Variants in P3H2 observed in about 807,000 individuals in gnomAD.
The protein encoded by P3H2 is prolyl 3-hydroxylase 2, also known as leprecan-like 1.
In P3H2, 80 loss-of-function variants were observed where a neutral mutation model predicts 87.0. The ratio of observed to expected loss-of-function variants is 0.92; its 90% CI spans 0.77 to 1.11. The LOEUF (loss-of-function observed/expected upper bound fraction) is 1.11. Ranked by LOEUF, P3H2 falls within the 50% of genes least tolerant of loss-of-function variation. The probability of loss-of-function intolerance (pLI) is 0.00; values close to 1 mark genes in which losing one functional copy is unlikely to be tolerated. For missense variants in P3H2, 1,001 were observed against 923.9 expected (o/e 1.08, Z -1.08); for synonymous variants, 367 against 359.3 (o/e 1.02, Z -0.24).
chr3:190,106,359 G>A (rs1711837428), intron 1 of P3H2, among the ~76,000 whole-genome samples: 2 of 152,074 alleles, frequency 1.3e-5, no homozygotes, highest in Non-Finnish European at 2.9e-5. Flanking sequence ...AGTGTTGAAC[G>A]TGAAGCCAGT....
intron 3 of P3H2, among the ~76,000 whole-genome samples, chr3:189,993,822 T>TA (rs1560352927): frequency 6.6e-5 from 10 of 151,890 alleles, no homozygotes; most frequent in African/African-American, 2.4e-4. Context: ...TTGAAAAACA[T>TA]TATATATAGT....
intron 1 of P3H2, among the ~76,000 whole-genome samples, chr3:190,053,454 T>G (rs56236945): frequency 0.35 from 52,004 of 147,202 alleles, 9,497 homozygotes; most frequent in African/African-American, 0.46. Flanking sequence ...AAAGTGGTTT[T>G]TTTTTTTTTT....
At chr3:190,057,769 T>G (rs111762837) in intron 1 of P3H2, among the ~76,000 whole-genome samples, 1 of 152,152 alleles carries the variant, frequency 6.6e-6, no homozygotes, top group African/African-American at 2.4e-5. Context: ...CTAAGAGCAT[T>G]TTTCCATCGA....
Position 190,120,431 on chromosome 3 carries a change from C to T in P3H2, c.301G>A (p.Glu101Lys). Residue 101 changes from glutamate to lysine, a missense_variant, in exon 1 of 15, where the codon GAG becomes AAG. By Grantham distance (56) the Glu-to-Lys change is moderately conservative (BLOSUM62 1). Transcript: ENST00000319332. ...AGGGGCAGCTCAGCGCCGGGGCCCT[C>T]GCCGGGGGGCGGGGGCGGGAGCGGG... Reference protein sequence around the residue: ...RHPLPPPPPGEGPGAELPLFR... With the variant: ...RHPLPPPPPGKGPGAELPLFR... 10 of 1,452,104 alleles carry T rather than the reference C, an allele frequency of 6.9e-6. No individual in the cohort carries two copies. Among genetic ancestry groups the T allele is most frequent in the Non-Finnish European group, 9.0e-6 (10 of 1,110,396 alleles). 90.0% of individuals were successfully genotyped at this position (1,452,104 alleles called of 1,614,324 possible).
At chr3:189,998,415 C>T (rs1324647740) in intron 1 of P3H2, among the ~76,000 whole-genome samples, 1 of 152,176 alleles carries the variant, frequency 6.6e-6, no homozygotes, top group Admixed American at 6.5e-5. Context: ...TCTTTTCTTA[C>T]TGAAATATGT....
intron 1 of P3H2, among the ~76,000 whole-genome samples, chr3:190,030,285 G>T (rs929978339): frequency 6.6e-6 from 1 of 152,140 alleles, no homozygotes; most frequent in Non-Finnish European, 1.5e-5. Flanking sequence ...AAAACAATGA[G>T]ATTTTGGCTG....
At chr3:190,040,847 T>C (rs1462121139) in intron 1 of P3H2, among the ~76,000 whole-genome samples, 2 of 151,130 alleles carry the variant, frequency 1.3e-5, no homozygotes, top group Non-Finnish European at 2.9e-5. Flanking sequence ...CTAGTACACA[T>C]AGTACCAGTT....
At chr3:190,113,872 TC>T (rs1410784842) in intron 1 of P3H2, among the ~76,000 whole-genome samples, 1 of 151,942 alleles carries the variant, frequency 6.6e-6, no homozygotes, top group African/African-American at 2.4e-5. Context: ...GGTCGGGAGT[TC>T]GAGACCATCC....
intron 1 of P3H2, among the ~76,000 whole-genome samples, chr3:190,083,843 G>A (rs1281018930): frequency 6.6e-6 from 1 of 152,184 alleles, no homozygotes; most frequent in Non-Finnish European, 1.5e-5. Context: ...GGCTGTAGTT[G>A]TGTCTGACAG....
In P3H2 at chr3:190,114,986, T is replaced by C. The variant is rs1024505197; in HGVS notation, c.480+5266A>G. Among the ~76,000 whole-genome samples the C allele has an allele frequency of 2.0e-5, 3 of 152,188 alleles. No homozygotes were observed. The South Asian group carries it at 6.2e-4, about 32-fold the overall frequency. ...CAATTTCATTTTAAGGCATGCATTA[T>C]AGAAAGAGATAGCAGTTGATAAAAC... On this transcript the variant is annotated intron_variant, in intron 1 of 14. Coordinates refer to ENST00000319332, the MANE Select transcript of P3H2 (RefSeq NM_018192.4).
At position 189,956,903 on chromosome 3, in the gene P3H2, T is replaced by C. The variant is rs1005733808; in HGVS notation, c.*1009A>G. On this transcript the variant is annotated 3_prime_UTR_variant, in exon 15 of 15. Transcript: ENST00000319332. ...TCTTTTCATCAGTGGACCCCACTCC[T>C]AGGCAACCTGGCCATGGTGCCCGGA... 1 of 392,262 alleles carries C rather than the reference T, an allele frequency of 2.5e-6. No homozygotes were observed. The highest frequency in any genetic ancestry group is 4.5e-6 in the Non-Finnish European group (1 of 222,742). 24.3% of individuals were successfully genotyped at this position (392,262 alleles called of 1,614,324 possible).
chr3:190,078,650 G>A (rs1410654079), intron 1 of P3H2, among the ~76,000 whole-genome samples: 1 of 152,068 alleles, frequency 6.6e-6, no homozygotes, highest in African/African-American at 2.4e-5. Context: ...TTCACAAACT[G>A]GAAAAGGACA....
chr3:190,083,627 T>C (rs1006796496), intron 1 of P3H2, among the ~76,000 whole-genome samples: 2 of 152,220 alleles, frequency 1.3e-5, no homozygotes, highest in Non-Finnish European at 2.9e-5. Flanking sequence ...AAGGCAGCTC[T>C]AAATAAAAGT....
At chr3:189,982,872 A>C (rs1284770952) in intron 8 of P3H2, among the ~76,000 whole-genome samples, 174 bp downstream of exon 8, 2 of 152,038 alleles carry the variant, frequency 1.3e-5, no homozygotes, top group Non-Finnish European at 2.9e-5. Context: ...ATAATACACA[A>C]ATCTAAGACT....
chr3:190,119,510 A>G (rs1415373298), intron 1 of P3H2, among the ~76,000 whole-genome samples: 1 of 152,198 alleles, frequency 6.6e-6, no homozygotes, highest in Non-Finnish European at 1.5e-5. Flanking sequence ...TCCTGACGCT[A>G]ACTTTAGGCA....
At chr3:190,089,218 G>A (rs554195242) in intron 1 of P3H2, among the ~76,000 whole-genome samples, 24 of 152,110 alleles carry the variant, frequency 1.6e-4, no homozygotes, top group Non-Finnish European at 3.1e-4. Context: ...GGGGCCTGTC[G>A]TGGGGCGGGG....
intron 1 of P3H2, among the ~76,000 whole-genome samples, chr3:190,114,427 A>T (rs58113906): frequency 6.6e-6 from 1 of 151,580 alleles, no homozygotes; most frequent in Admixed American, 6.6e-5. Context: ...ACCTCGTGAT[A>T]CGCCCACCTC....
chr3:189,980,517 C>T (rs957786334), intron 8 of P3H2, among the ~76,000 whole-genome samples: 1 of 151,652 alleles, frequency 6.6e-6, no homozygotes, highest in African/African-American at 2.4e-5. Flanking sequence ...GAGCTGAGAT[C>T]ACGCCACTGC....
chr3:189,957,700 A>AAGAGAGAGAGAGAGAGAG lies in P3H2; in HGVS notation c.*194_*211dup, dbSNP rs3062112. On this transcript the variant is annotated 3_prime_UTR_variant, in exon 15 of 15. Transcript: ENST00000319332. Reference sequence around the variant, plus strand: ...AACATGGTTAGACCATGTCTCTAAGAAGAGAGAGAGAGAGAGAGAGAGAGA... The same window carrying AAGAGAGAGAGAGAGAGAG: ...AACATGGTTAGACCATGTCTCTAAGAAGAGAGAGAGAGAGAGAGAGAGAGAGAGAGAGAGAGAGAGAGA... 11 of 543,276 alleles carry AAGAGAGAGAGAGAGAGAG rather than the reference A, an allele frequency of 2.0e-5. No homozygotes were observed. Among genetic ancestry groups the AAGAGAGAGAGAGAGAGAG allele is most frequent in the Middle Eastern group, 5.0e-4 (1 of 2,000 alleles). 33.7% of individuals were successfully genotyped at this position (543,276 alleles called of 1,614,324 possible). A position where few individuals can be genotyped will look rare whatever the true frequency, so the allele number is the denominator to read the frequency against.
Sources: allele counts gnomAD v4.1 joint callset (sites outside exome capture counted in the v4.1 genomes callset), GRCh38; gene constraint gnomAD v4.1.1; transcripts MANE v1.5; gene names NCBI Gene and HGNC (gene_info 2026-07-23, HGNC 2026-07-21).